Variants in GALNT18 observed in about 807,000 individuals in gnomAD.
The protein encoded by GALNT18 is GalNAc-transferase 18.
GALNT18 carries 44 observed loss-of-function variants against 69.5 expected under a neutral mutation model. The observed-to-expected ratio is 0.63, with a 90% confidence interval of 0.50 to 0.81. The LOEUF is 0.81. Ranked by LOEUF, GALNT18 falls within the 40% of genes least tolerant of loss-of-function variation. GALNT18 has a pLI of 0.00. For missense variants in GALNT18, 715 were observed against 810.0 expected, an observed-to-expected ratio of 0.88 and a Z score of 1.42; for synonymous variants, 364 against 318.2, an observed-to-expected ratio of 1.14 and a Z score of -1.53.
In GALNT18 at chr11:11,540,315, C is replaced by T. The variant is rs903740348; in HGVS notation, c.235+81044G>A. On this transcript the variant is annotated intron_variant, in intron 1 of 10. Coordinates refer to ENST00000227756, the MANE Select transcript of GALNT18 (RefSeq NM_198516.3). This position sits in a 1 kb window ranked among gnomAD's most constrained non-coding sequence, Gnocchi z 4.6. The stretch of plus-strand genomic sequence containing the variant: ...GTGCAGGATAAATGTTTTTCTTCGT[C>T]GTTGCCATGGAAACTTGTGACTCCT... 6.6e-6 allele frequency among the ~76,000 whole-genome samples: 1 copy of T among 152,122 alleles called. No homozygotes were observed. Among genetic ancestry groups the T allele is most frequent in the African/African-American group, 2.4e-5 (1 of 41,410 alleles).
At chr11:11,433,548 C>T (rs1855324829) in intron 2 of GALNT18, among the ~76,000 whole-genome samples, 1 of 152,178 alleles carries the variant, frequency 6.6e-6, no homozygotes, top group African/African-American at 2.4e-5. Context: ...AAGAGAATGC[C>T]CCTAACTGGC....
rs567758488 is a variant in GALNT18, at chr11:11,448,953, C to T, written c.236-17G>A. The T allele has an allele frequency of 2.6e-5, 40 of 1,560,742 alleles. No individual in the cohort carries two copies. Among genetic ancestry groups the T allele is most frequent in the Admixed American group, 2.1e-4 (11 of 53,456 alleles). On this transcript the variant is annotated splice_polypyrimidine_tract_variant and intron_variant, in intron 1 of 10. Transcript: ENST00000227756. ...CAGGAGCCTCTGGAGAAAGAAGGAACAGGAGACAGTGGGTCAGAGTGCACC... is the reference window on the plus strand; with the variant it reads ...CAGGAGCCTCTGGAGAAAGAAGGAATAGGAGACAGTGGGTCAGAGTGCACC...
At chr11:11,491,842 T>A (rs1285030249) in intron 1 of GALNT18, among the ~76,000 whole-genome samples, 1 of 151,896 alleles carries the variant, frequency 6.6e-6, no homozygotes, top group Non-Finnish European at 1.5e-5. Flanking sequence ...GTCACTCCCC[T>A]CCAGAAGCAA....
intron 10 of GALNT18, among the ~76,000 whole-genome samples, chr11:11,273,055 A>C (rs1848860597): frequency 6.6e-6 from 1 of 152,248 alleles, no homozygotes; most frequent in South Asian, 2.1e-4. Context: ...TAAAGACTTA[A>C]ATCTAAGATT....
intron 9 of GALNT18, among the ~76,000 whole-genome samples, chr11:11,304,377 T>G (rs988557728): frequency 1.3e-5 from 2 of 152,214 alleles, no homozygotes; most frequent in African/African-American, 4.8e-5. Context: ...TGTTCATTAG[T>G]AAGTTCTCTA....
In GALNT18 at chr11:11,432,844, C is replaced by G. The variant is rs926314679; in HGVS notation, c.429-57G>C. The G allele has an allele frequency of 5.8e-6, 9 of 1,553,662 alleles. No individual in the cohort carries two copies. In the African/African-American group the frequency reaches 1.1e-4, roughly 19 times the overall value. ...GACTCAGCTGGAGTCATCTCAGGAG[C>G]TGACCCAGCCCATGTCCTGGCTCCA... is the stretch of plus-strand genomic sequence containing the variant. On this transcript the variant is annotated intron_variant, in intron 2 of 10. Coordinates refer to ENST00000227756, the MANE Select transcript of GALNT18 (RefSeq NM_198516.3). This position sits in a 1 kb window ranked among gnomAD's most constrained non-coding sequence, Gnocchi z 5.8.
chr11:11,285,230 G>T (rs1334046310), intron 10 of GALNT18, among the ~76,000 whole-genome samples: 1 of 151,974 alleles, frequency 6.6e-6, no homozygotes, highest in African/African-American at 2.4e-5. Context: ...ATGGTATGGT[G>T]GTTTAAAGCA....
intron 1 of GALNT18, among the ~76,000 whole-genome samples, chr11:11,554,247 C>G (rs1289586732): frequency 6.6e-6 from 1 of 152,164 alleles, no homozygotes; most frequent in African/African-American, 2.4e-5. Flanking sequence ...TTCCTTACAT[C>G]TCAGTGGGCT....
At chr11:11,284,916 T>G (rs1276276798) in intron 10 of GALNT18, among the ~76,000 whole-genome samples, 1 of 144,032 alleles carries the variant, frequency 6.9e-6, no homozygotes, top group East Asian at 2.0e-4. Context: ...GTGTTTTTTT[T>G]TTTTTTTTTT....
At chr11:11,522,095 TAGGAAGGA>T (rs759180837) in intron 1 of GALNT18, among the ~76,000 whole-genome samples, 5 of 151,998 alleles carry the variant, frequency 3.3e-5, no homozygotes, top group African/African-American at 9.7e-5. Flanking sequence ...CTACCCACCC[TAGGAAGGA>T]AGGAAGGAAG....
At chr11:11,284,820 C>A (rs185100946) in intron 10 of GALNT18, among the ~76,000 whole-genome samples, 1 of 79,644 alleles carries the variant, frequency 1.3e-5, no homozygotes, top group African/African-American at 4.4e-5. Flanking sequence ...TTAAAGAAAC[C>A]CTGAGATTAA....
chr11:11,516,636 A>G (rs769832646), intron 1 of GALNT18, among the ~76,000 whole-genome samples: 1 of 152,206 alleles, frequency 6.6e-6, no homozygotes, highest in Non-Finnish European at 1.5e-5. Context: ...ATCTCAAAAC[A>G]AAAACAAAAC....
At chr11:11,326,982 G>C in intron 9 of GALNT18, 104 bp downstream of exon 9, 1 of 835,214 alleles carries the variant, frequency 1.2e-6, no homozygotes, top group South Asian at 1.6e-5. Context: ...GAGCTGCCAT[G>C]ACAGAGCCTA....
intron 1 of GALNT18, among the ~76,000 whole-genome samples, chr11:11,521,946 C>T (rs1465576858): frequency 6.6e-6 from 1 of 152,220 alleles, no homozygotes; most frequent in Non-Finnish European, 1.5e-5. Flanking sequence ...CAGAGACCAG[C>T]TGACCCCAGA....
chr11:11,272,581 C>T (rs1589993622), intron 10 of GALNT18, among the ~76,000 whole-genome samples: 1 of 152,352 alleles, frequency 6.6e-6, no homozygotes, highest in African/African-American at 2.4e-5. Flanking sequence ...TTGTACTTTT[C>T]TGAACCCATT....
chr11:11,337,577 G>A lies in GALNT18; in HGVS notation c.1278+3242C>T, dbSNP rs1404914625. ...CTCTTTCACAGGCTGGTCATGCAAT[G>A]ACAGAGAGATATTTAGGAGGGGGAG... On this transcript the variant is annotated intron_variant, in intron 7 of 10. Coordinates refer to ENST00000227756, the MANE Select transcript of GALNT18 (RefSeq NM_198516.3). This position sits in a 1 kb window ranked among gnomAD's most constrained non-coding sequence, Gnocchi z 4.9. Among the ~76,000 whole-genome samples, 2 of 152,190 alleles carry A rather than the reference G, an allele frequency of 1.3e-5. No homozygotes were observed. The highest frequency in any genetic ancestry group is 4.8e-5 in the African/African-American group (2 of 41,448).
Position 11,480,160 on chromosome 11 carries a change from T to C in GALNT18, c.236-31224A>G, listed in dbSNP as rs1590040076. 2.0e-5 allele frequency among the ~76,000 whole-genome samples: 3 copies of C among 152,202 alleles called. No homozygotes were observed. The highest frequency in any genetic ancestry group is 2.0e-4 in the Admixed American group (3 of 15,268). On this transcript the variant is annotated intron_variant, in intron 1 of 10. Transcript: ENST00000227756. The surrounding 1 kb of genome is among the most constrained non-coding windows in gnomAD (Gnocchi z 4.6). ...ATTCAATAACCTCCTATCTGAAACA[T>C]CATCTCCCAGAACAAGCCATGGGTG...
chr11:11,407,958 C>T (rs1463866444), intron 3 of GALNT18, among the ~76,000 whole-genome samples: 1 of 152,168 alleles, frequency 6.6e-6, no homozygotes, highest in Non-Finnish European at 1.5e-5. Context: ...GTCCTGAGCG[C>T]CCTATAAGAA....
At chr11:11,345,547 G>A (rs1009919757) in intron 6 of GALNT18, among the ~76,000 whole-genome samples, 2 of 152,172 alleles carry the variant, frequency 1.3e-5, no homozygotes, top group Admixed American at 1.3e-4. Context: ...GGATAAGGAA[G>A]GGAGAGAAAG....
Sources: gnomAD v4.1 joint callset for allele counts (sites outside exome capture counted in the v4.1 genomes callset) on GRCh38, gnomAD v4.1.1 for gene constraint, Gnocchi (gnomAD v3.1) non-coding constraint, MANE v1.5 for transcripts, NCBI Gene and HGNC (gene_info 2026-07-23, HGNC 2026-07-21) for gene names.